The following FREM2 variants were observed in gnomAD, a reference collection of about 807,000 sequenced individuals.
FREM2 encodes the protein FRAS1-related extracellular matrix protein 2.
A neutral mutation model predicts 219.9 loss-of-function variants in FREM2; 119 were observed. That is an observed-to-expected ratio of 0.54 (90% CI 0.47 to 0.63). The LOEUF (loss-of-function observed/expected upper bound fraction) is 0.63, where lower values mean the gene tolerates loss of function less well. Among genes scored for constraint, FREM2 ranks in the 30% least tolerant of loss-of-function variants. The pLI is 0.00. For synonymous variants in FREM2, 1,562 were observed against 1,522.8 expected (o/e 1.03, Z -0.60); for missense variants, 4,030 against 3,993.6 (o/e 1.01, Z -0.25).
At chr13:38,807,753 C>T (rs760584787) in intron 6 of FREM2, among the ~76,000 whole-genome samples, 11 of 151,898 alleles carry the variant, frequency 7.2e-5, no homozygotes, top group Non-Finnish European at 1.6e-4. Flanking sequence ...GATGTACTGT[C>T]ATCTAGGCTT....
chr13:38,857,025 C>T (rs183479923), intron 12 of FREM2, among the ~76,000 whole-genome samples: 166 of 152,000 alleles, frequency 1.1e-3, no homozygotes, highest in Middle Eastern at 3.4e-3. Context: ...TACTACAGTG[C>T]CTTGCTTTTT....
At chr13:38,740,959 ACTCT>A (rs1872217903) in intron 2 of FREM2, among the ~76,000 whole-genome samples, 1 of 152,064 alleles carries the variant, frequency 6.6e-6, no homozygotes, top group Non-Finnish European at 1.5e-5. Flanking sequence ...CAACAATGCA[ACTCT>A]CTGTGTTTGT....
Position 38,878,375 on chromosome 13 carries a change from C to A in FREM2, c.8859+54C>A, listed in dbSNP as rs9548520. 2.3e-6 allele frequency: 3 copies of A among 1,309,356 alleles called. No individual in the cohort carries two copies. In the South Asian group the frequency reaches 3.6e-5, roughly 16 times the overall value. 81.1% of individuals were successfully genotyped at this position (1,309,356 alleles called of 1,614,324 possible). A position where few individuals can be genotyped will look rare whatever the true frequency, so the allele number is the denominator to read the frequency against. ...AGATAGATTTTTCAAAGTTCAGCCT[C>A]CTTGTCTTATATTTAAAAACAAGGC... On this transcript the variant is annotated intron_variant, in intron 22 of 23. Coordinates refer to ENST00000280481, the MANE Select transcript of FREM2 (RefSeq NM_207361.6).
chr13:38,796,245 C>A (rs1170308706), intron 6 of FREM2, among the ~76,000 whole-genome samples: 1 of 152,056 alleles, frequency 6.6e-6, no homozygotes, highest in Non-Finnish European at 1.5e-5. Context: ...AACGGATGAC[C>A]CTAGAAACTG....
In FREM2 at chr13:38,741,569, G is replaced by A. The variant is rs891499183; in HGVS notation, c.5264-22735G>A. 9.9e-5 allele frequency among the ~76,000 whole-genome samples: 15 copies of A among 152,278 alleles called. 1 individual carries two copies. Among genetic ancestry groups the A allele is most frequent in the Admixed American group, 7.8e-4 (12 of 15,294 alleles). On this transcript the variant is annotated intron_variant, in intron 2 of 23. Coordinates refer to ENST00000280481, the MANE Select transcript of FREM2 (RefSeq NM_207361.6). Reference sequence around the variant, plus strand: ...ACTCAAGCAAGTCATTGTTAGGAGCGAATTAAGGTGGTAGAGACACTTAGT... The same window carrying A: ...ACTCAAGCAAGTCATTGTTAGGAGCAAATTAAGGTGGTAGAGACACTTAGT...
chr13:38,807,189 TTATATATATATATATATATATATA>T (rs59551341), intron 6 of FREM2, among the ~76,000 whole-genome samples: 1 of 45,378 alleles, frequency 2.2e-5, no homozygotes, highest in Non-Finnish European at 4.5e-5. Flanking sequence ...CTTGTCTCTG[TTATATATATATATATATATATATA>T]TATATATATA....
chr13:38,773,408 C>T (rs987854042), intron 4 of FREM2, among the ~76,000 whole-genome samples: 13 of 150,608 alleles, frequency 8.6e-5, no homozygotes, highest in East Asian at 7.9e-4. Context: ...CTTTTTTTTT[C>T]GAGACGGTAT....
chr13:38,793,175 G>A (rs1382028707), intron 6 of FREM2, among the ~76,000 whole-genome samples: 1 of 152,182 alleles, frequency 6.6e-6, no homozygotes, highest in African/African-American at 2.4e-5. Context: ...AGGTGCTGGG[G>A]ACATAACAGC....
chr13:38,826,474 G>C (rs1350176744), intron 6 of FREM2, among the ~76,000 whole-genome samples: 6 of 152,058 alleles, frequency 3.9e-5, no homozygotes, highest in Non-Finnish European at 8.8e-5. Flanking sequence ...CGAGGAAGAA[G>C]GATCTCACAA....
intron 4 of FREM2, among the ~76,000 whole-genome samples, chr13:38,773,936 C>G (rs1409199325): frequency 6.6e-6 from 1 of 151,382 alleles, no homozygotes; most frequent in Non-Finnish European, 1.5e-5. Flanking sequence ...CCAAGTCACC[C>G]AACTAATAAG....
Position 38,691,439 on chromosome 13 carries a change from A to G in FREM2, c.4095A>G (p.Thr1365=). ...RKPTGAFENI[T]LGMNFTQDEV... ...CTACTGGTGCCTTTGAAAATATCAC[A>G]CTGGGCATGAATTTTACCCAGGATG... The change falls in exon 1 of 24, where the codon ACA becomes ACG. Residue 1365 remains threonine (T), a synonymous_variant. Coordinates refer to ENST00000280481, the MANE Select transcript of FREM2 (RefSeq NM_207361.6). 1 of 1,614,108 alleles carries G rather than the reference A, an allele frequency of 6.2e-7. No individual in the cohort carries two copies.
chr13:38,850,972 G>A lies in FREM2; in HGVS notation c.6606G>A (p.Glu2202=), dbSNP rs61749310. ...AGACAGAAAAGCCCTGCATTCTTGA[G>A]CTGATGGACGATGTGCTCTATGAGG... The part of the protein sequence containing the change: ...PGETEKPCIL[E]LMDDVLYEEV... Residue 2202 remains glutamate, a synonymous_variant, in exon 10 of 24, where the codon GAG becomes GAA. Coordinates refer to ENST00000280481, the MANE Select transcript of FREM2 (RefSeq NM_207361.6). The A allele has an allele frequency of 3.2e-3, 5,119 of 1,613,092 alleles. 146 individuals carry two copies. In the African/African-American group the frequency reaches 0.06, roughly 19 times the overall value.
rs1871233022 is a variant in FREM2 at position 38,721,247 on chromosome 13, A to C, written c.5263+23460A>C. Among the ~76,000 whole-genome samples, 4 of 152,222 alleles carry C rather than the reference A, an allele frequency of 2.6e-5. No individual in the cohort carries two copies. In the South Asian group the frequency reaches 8.3e-4, roughly 31 times the overall value. ...AGAAAAAAAAATATTGTCAGCTGAC[A>C]GTGACATTGAAACTAAGTCCAGATG... On this transcript the variant is annotated intron_variant, in intron 2 of 23. Coordinates refer to ENST00000280481, the MANE Select transcript of FREM2 (RefSeq NM_207361.6).
chr13:38,846,721 T>G lies in FREM2; in HGVS notation c.6168T>G (p.Asp2056Glu). The G allele has an allele frequency of 6.2e-7, 1 of 1,613,610 alleles. No individual in the cohort carries two copies. The highest frequency in any genetic ancestry group is 8.5e-7 in the Non-Finnish European group (1 of 1,179,626). Reference sequence around the variant, plus strand: ...GGAAAACAGATCCTCCCTCTGCAGATGGTGAGCAGTTTCCCACTCGGCTCT... The same window carrying G: ...GGAAAACAGATCCTCCCTCTGCAGAGGGTGAGCAGTTTCCCACTCGGCTCT... ...RSRKTDPPSA[D>E]AGTDYVGISR... The change falls in exon 7 of 24, where the codon GAT becomes GAG. Residue 2056 changes from aspartate to glutamate, a missense_variant and splice_region_variant. Asp to Glu is a conservative substitution (Grantham distance 45). Coordinates refer to ENST00000280481, the MANE Select transcript of FREM2 (RefSeq NM_207361.6).
At chr13:38,822,356 T>C (rs958998873) in intron 6 of FREM2, among the ~76,000 whole-genome samples, 17 of 149,036 alleles carry the variant, frequency 1.1e-4, no homozygotes, top group South Asian at 4.3e-4. Context: ...TCTTTTTTTT[T>C]TTTTTTTTTT....
intron 20 of FREM2, 44 bp downstream of exon 20, chr13:38,876,426 CTT>C: frequency 6.5e-7 from 1 of 1,533,060 alleles, no homozygotes; most frequent in Non-Finnish European, 9.0e-7. Flanking sequence ...CAGAATCCCA[CTT>C]TGTTTTTCAT....
chr13:38,744,814 A>T (rs1254079512), intron 2 of FREM2, among the ~76,000 whole-genome samples: 1 of 152,192 alleles, frequency 6.6e-6, no homozygotes, highest in Non-Finnish European at 1.5e-5. Flanking sequence ...TTTACAGTAA[A>T]CAGCCAACAC....
Position 38,689,583 on chromosome 13 carries a change from A to T in FREM2, c.2239A>T (p.Thr747Ser). 6.2e-7 allele frequency: 1 copy of T among 1,612,830 alleles called. No individual in the cohort carries two copies. The highest frequency in any genetic ancestry group is 8.5e-7 in the Non-Finnish European group (1 of 1,179,256). ...ELRYTVTQPP[T>S]DTDENHLPAP... The stretch of plus-strand genomic sequence containing the variant: ...ACGTTACACAGTGACTCAGCCCCCC[A>T]CAGACACAGACGAAAATCACCTGCC... The change falls in exon 1 of 24, where the codon ACA (threonine) becomes TCA (serine). Residue 747 changes from threonine to serine, a missense_variant. Coordinates refer to ENST00000280481, the MANE Select transcript of FREM2 (RefSeq NM_207361.6).
chr13:38,759,170 G>A (rs1873132945), intron 2 of FREM2, among the ~76,000 whole-genome samples: 2 of 152,124 alleles, frequency 1.3e-5, no homozygotes, highest in South Asian at 2.1e-4. Context: ...AAAAATTTCT[G>A]TAGAGTTGAT....
Sources: allele counts gnomAD v4.1 joint callset (sites outside exome capture counted in the v4.1 genomes callset), GRCh38; gene constraint gnomAD v4.1.1; transcripts MANE v1.5; gene names NCBI Gene and HGNC (gene_info 2026-07-23, HGNC 2026-07-21).